The following HHAT variants were observed in gnomAD, a reference collection of about 807,000 sequenced individuals.
HHAT encodes hedgehog acyltransferase, also known as protein-cysteine N-palmitoyltransferase HHAT.
HHAT carries 47 observed loss-of-function variants against 70.8 expected under a neutral mutation model. The ratio of observed to expected loss-of-function variants is 0.66; its 90% CI spans 0.53 to 0.85. The LOEUF (loss-of-function observed/expected upper bound fraction) is 0.85. Among genes scored for constraint, HHAT ranks in the 40% least tolerant of loss-of-function variants. The pLI is 0.00. For missense variants in HHAT, 609 were observed against 604.8 expected (o/e 1.01, Z -0.07); for synonymous variants, 228 against 247.6 (o/e 0.92, Z 0.74).
chr1:210,460,660 A>G (rs1482736629), intron 7 of HHAT, among the ~76,000 whole-genome samples: 2 of 152,330 alleles, frequency 1.3e-5, no homozygotes, highest in Non-Finnish European at 2.9e-5. Flanking sequence ...CTGATGTTCA[A>G]TAACTGTATG....
intron 4 of HHAT, among the ~76,000 whole-genome samples, chr1:210,388,935 T>A (rs2091271270): frequency 6.6e-6 from 1 of 152,230 alleles, no homozygotes; most frequent in Admixed American, 6.5e-5. Context: ...CTTTGAGGAT[T>A]GTACTAAGTT....
intron 8 of HHAT, among the ~76,000 whole-genome samples, chr1:210,479,147 A>C (rs1558599662): frequency 6.6e-6 from 1 of 152,188 alleles, no homozygotes; most frequent in Non-Finnish European, 1.5e-5. Flanking sequence ...TTATTCTGTA[A>C]CTTCATATTT....
At chr1:210,466,033 A>G (rs1377839881) in intron 8 of HHAT, among the ~76,000 whole-genome samples, 1 of 138,986 alleles carries the variant, frequency 7.2e-6, no homozygotes, top group Non-Finnish European at 1.6e-5. Flanking sequence ...AAGGAATTGC[A>G]AGGAATGAAT....
At chr1:210,542,723 C>T (rs1468712373) in intron 9 of HHAT, among the ~76,000 whole-genome samples, 3 of 152,006 alleles carry the variant, frequency 2.0e-5, no homozygotes, top group Non-Finnish European at 4.4e-5. Flanking sequence ...TAGCTTGAGC[C>T]CAGGAGCTCA....
intron 9 of HHAT, among the ~76,000 whole-genome samples, chr1:210,565,725 T>C (rs1349495109): frequency 1.3e-5 from 2 of 152,018 alleles, no homozygotes; most frequent in Non-Finnish European, 2.9e-5. Context: ...AGTTGGTGGG[T>C]TGGTATTTGC....
At chr1:210,431,485 A>C (rs1367157862) in intron 7 of HHAT, among the ~76,000 whole-genome samples, 9 of 151,914 alleles carry the variant, frequency 5.9e-5, no homozygotes, top group African/African-American at 2.2e-4. Flanking sequence ...ATGCTTTCAC[A>C]TATTTCATTT....
At chr1:210,651,700 A>C (rs1382180182) in intron 11 of HHAT, among the ~76,000 whole-genome samples, 2 of 152,188 alleles carry the variant, frequency 1.3e-5, no homozygotes, top group Non-Finnish European at 2.9e-5. Context: ...ATAGGAAGGA[A>C]GTTCAGTTGT....
At chr1:210,663,960 CTGTG>C (rs950007137) in intron 11 of HHAT, among the ~76,000 whole-genome samples, 4 of 152,158 alleles carry the variant, frequency 2.6e-5, no homozygotes, top group Non-Finnish European at 4.4e-5. Flanking sequence ...TTTGAAAAAA[CTGTG>C]AGGCCTGAAC....
rs562916726 is a variant in HHAT at position 210,397,430 on chromosome 1, C to T, written c.274-3038C>T. Among the ~76,000 whole-genome samples, 9 of 152,000 alleles carry T rather than the reference C, an allele frequency of 5.9e-5. No individual in the cohort carries two copies. The South Asian group carries it at 1.2e-3, about 21-fold the overall frequency. On this transcript the variant is annotated intron_variant, in intron 4 of 11. Transcript: ENST00000261458. ...GGTGGGTTTTTAAACTTGAGTTTGA[C>T]GTACAGTATGTGTGTGACCAAATCT...
At chr1:210,448,569 G>C (rs1053742343) in intron 7 of HHAT, among the ~76,000 whole-genome samples, 1 of 152,124 alleles carries the variant, frequency 6.6e-6, no homozygotes, top group African/African-American at 2.4e-5. Flanking sequence ...GGCAATTTAC[G>C]AAGTATTGAG....
chr1:210,493,585 A>G (rs2094584617), intron 8 of HHAT, among the ~76,000 whole-genome samples: 1 of 152,206 alleles, frequency 6.6e-6, no homozygotes, highest in African/African-American at 2.4e-5. Flanking sequence ...CATAGACTAG[A>G]CTAGTTGACA....
intron 6 of HHAT, among the ~76,000 whole-genome samples, chr1:210,411,368 A>G (rs930099946): frequency 6.6e-6 from 1 of 152,114 alleles, no homozygotes; most frequent in Non-Finnish European, 1.5e-5. Context: ...TTATTTAGAA[A>G]CTGTAGACAT....
At chr1:210,639,197 A>G (rs1051438035) in intron 11 of HHAT, among the ~76,000 whole-genome samples, 12 of 151,948 alleles carry the variant, frequency 7.9e-5, no homozygotes, top group African/African-American at 2.9e-4. Context: ...TCATTTGGCC[A>G]TTTACCTTTC....
intron 7 of HHAT, among the ~76,000 whole-genome samples, chr1:210,422,070 T>TA (rs545929668): frequency 2.0e-4 from 30 of 152,302 alleles, no homozygotes; most frequent in Non-Finnish European, 3.7e-4. Flanking sequence ...CTTTTAAAGT[T>TA]AAAAAAATCT....
At chr1:210,539,833 C>T (rs952209274) in intron 9 of HHAT, among the ~76,000 whole-genome samples, 6 of 152,126 alleles carry the variant, frequency 3.9e-5, no homozygotes, top group Middle Eastern at 3.2e-3. Flanking sequence ...TGTGTCCTTC[C>T]AGTAAATCCT....
At chr1:210,606,281 C>T (rs1376288662) in intron 10 of HHAT, among the ~76,000 whole-genome samples, 4 of 152,130 alleles carry the variant, frequency 2.6e-5, no homozygotes. Flanking sequence ...TAATTCAGCA[C>T]TCAGCACACC....
At chr1:210,665,765 G>A (rs973134229) in intron 11 of HHAT, among the ~76,000 whole-genome samples, 1 of 152,180 alleles carries the variant, frequency 6.6e-6, no homozygotes, top group African/African-American at 2.4e-5. Context: ...CCTTTGTGAG[G>A]TGATGTGGCT....
chr1:210,596,976 A>G (rs982478400), intron 10 of HHAT, among the ~76,000 whole-genome samples: 2 of 152,184 alleles, frequency 1.3e-5, no homozygotes, highest in African/African-American at 4.8e-5. Flanking sequence ...AAGGCTTTCC[A>G]GGTATTTGAA....
intron 9 of HHAT, among the ~76,000 whole-genome samples, chr1:210,516,010 C>T (rs1374954108): frequency 6.6e-6 from 1 of 151,980 alleles, no homozygotes; most frequent in African/African-American, 2.4e-5. Flanking sequence ...GCCAAAGCTG[C>T]AGTGAGCCGA....
Sources: allele counts gnomAD v4.1 joint callset (sites outside exome capture counted in the v4.1 genomes callset), GRCh38; gene constraint gnomAD v4.1.1; transcripts MANE v1.5; gene names NCBI Gene and HGNC (gene_info 2026-07-23, HGNC 2026-07-21).